ST8SIA1: variants seen among roughly 807,000 people sequenced by gnomAD.
The protein encoded by ST8SIA1 is ST8 alpha-N-acetyl-neuraminide alpha-2,8-sialyltransferase 1.
Under a neutral mutation model 35.9 loss-of-function variants are expected in ST8SIA1, and 16 were observed. The observed-to-expected ratio is 0.45, with a 90% CI of 0.30 to 0.68. The LOEUF is 0.68. ST8SIA1 is among the 30% of genes least tolerant of loss of function. The pLI is 0.09. For synonymous variants in ST8SIA1, 170 were observed against 169.6 expected, an observed-to-expected ratio of 1.00 and a Z score of -0.02; for missense variants, 383 against 453.6, an observed-to-expected ratio of 0.84 and a Z score of 1.41.
At chr12:22,226,854 C>G (rs777641474) in intron 4 of ST8SIA1, among the ~76,000 whole-genome samples, 1 of 152,174 alleles carries the variant, frequency 6.6e-6, no homozygotes, top group Non-Finnish European at 1.5e-5. Context: ...CTTATTAAGT[C>G]ACCAAGCTAA....
chr12:22,282,811 T>C (rs936098592), intron 2 of ST8SIA1, among the ~76,000 whole-genome samples: 3 of 152,074 alleles, frequency 2.0e-5, no homozygotes, highest in Non-Finnish European at 2.9e-5. Flanking sequence ...TTAGTTTCCT[T>C]CCAGCCAAAA....
chr12:22,310,675 T>C (rs1441346040), intron 1 of ST8SIA1, among the ~76,000 whole-genome samples: 2 of 152,210 alleles, frequency 1.3e-5, no homozygotes, highest in Non-Finnish European at 2.9e-5. Context: ...AAGCAAAGCA[T>C]ATACGCCTCG....
intron 4 of ST8SIA1, among the ~76,000 whole-genome samples, chr12:22,235,533 A>G (rs1029081252): frequency 1.3e-5 from 2 of 152,164 alleles, no homozygotes; most frequent in African/African-American, 4.8e-5. Context: ...TACATAATCA[A>G]CTCTGTGCAA....
chr12:22,209,015 G>T (rs7138635), intron 4 of ST8SIA1, among the ~76,000 whole-genome samples: 64,830 of 151,804 alleles, frequency 0.43, 14,149 homozygotes, highest in East Asian at 0.59. Flanking sequence ...AAAGAAAATA[G>T]GAGAAAATAT....
chr12:22,329,316 A>G (rs978843235), intron 1 of ST8SIA1, among the ~76,000 whole-genome samples: 6 of 152,164 alleles, frequency 3.9e-5, no homozygotes, highest in Non-Finnish European at 7.3e-5. Context: ...AAAACAAGGA[A>G]CATACACAAA....
At chr12:22,217,972 G>A (rs1865253057) in intron 4 of ST8SIA1, among the ~76,000 whole-genome samples, 1 of 152,174 alleles carries the variant, frequency 6.6e-6, no homozygotes, top group East Asian at 1.9e-4. Flanking sequence ...ATGTCTCATT[G>A]TTTTGTGAAA....
intron 4 of ST8SIA1, among the ~76,000 whole-genome samples, chr12:22,241,875 T>C (rs1437257700): frequency 6.6e-6 from 1 of 151,736 alleles, no homozygotes; most frequent in Non-Finnish European, 1.5e-5. Context: ...TTATTCCTCC[T>C]CCCCCCCATA....
chr12:22,243,888 G>A (rs997566422), intron 4 of ST8SIA1, among the ~76,000 whole-genome samples: 14 of 152,034 alleles, frequency 9.2e-5, no homozygotes, highest in Non-Finnish European at 1.8e-4. Flanking sequence ...AAAATCACCC[G>A]GGTGTGGTGG....
At chr12:22,235,304 T>A (rs1179331056) in intron 4 of ST8SIA1, among the ~76,000 whole-genome samples, 1 of 152,168 alleles carries the variant, frequency 6.6e-6, no homozygotes, top group South Asian at 2.1e-4. Context: ...TATAATCCAA[T>A]GCAATACAAT....
At chr12:22,282,399 C>T (rs892938848) in intron 2 of ST8SIA1, among the ~76,000 whole-genome samples, 1 of 152,200 alleles carries the variant, frequency 6.6e-6, no homozygotes, top group Non-Finnish European at 1.5e-5. Flanking sequence ...AGGCATTTGC[C>T]TAAAGCTGGA....
intron 3 of ST8SIA1, among the ~76,000 whole-genome samples, 158 bp downstream of exon 3, chr12:22,255,121 CT>C (rs1370739856): frequency 1.3e-5 from 2 of 152,170 alleles, no homozygotes; most frequent in Non-Finnish European, 2.9e-5. Flanking sequence ...CCCCTTACCC[CT>C]CTCCTAAACT....
At chr12:22,249,648 A>T (rs550980974) in intron 3 of ST8SIA1, among the ~76,000 whole-genome samples, 2 of 152,360 alleles carry the variant, frequency 1.3e-5, no homozygotes, top group African/African-American at 4.8e-5. Flanking sequence ...CCTGTTTAGT[A>T]AGAAAGATAA....
chr12:22,236,096 C>T (rs969188118), intron 4 of ST8SIA1, among the ~76,000 whole-genome samples: 2 of 152,134 alleles, frequency 1.3e-5, no homozygotes, highest in East Asian at 3.9e-4. Flanking sequence ...GCCAACATGC[C>T]TAAGTTTCCC....
intron 1 of ST8SIA1, among the ~76,000 whole-genome samples, chr12:22,303,269 T>G (rs1327276120): frequency 6.6e-6 from 1 of 152,040 alleles, no homozygotes. Context: ...AGAGAATCCC[T>G]GATCTCCCAA....
rs1864999556 is a variant in ST8SIA1, at chr12:22,197,192, C to G, written c.*4360G>C. ...AAAAGTCATATAACCTGAGAGTCGA[C>G]CTATACGACGGGAAGATAAAGAAAA... On this transcript the variant is annotated 3_prime_UTR_variant, in exon 5 of 5. Coordinates refer to ENST00000396037, the MANE Select transcript of ST8SIA1 (RefSeq NM_003034.4). The G allele has an allele frequency of 1.3e-5, 2 of 152,174 alleles. No individual in the cohort carries two copies. Among genetic ancestry groups the G allele is most frequent in the African/African-American group, 4.8e-5 (2 of 41,444 alleles). The allele number at this position is 152,174 out of a possible 1,614,324, so 9.4% of individuals were successfully genotyped here. A position where few individuals can be genotyped will look rare whatever the true frequency, so the allele number is the denominator to read the frequency against.
chr12:22,216,124 T>G (rs1423726334), intron 4 of ST8SIA1, among the ~76,000 whole-genome samples: 2 of 152,198 alleles, frequency 1.3e-5, no homozygotes. Flanking sequence ...ATGCATATCC[T>G]CAGTACCACA....
intron 4 of ST8SIA1, among the ~76,000 whole-genome samples, chr12:22,243,405 T>C (rs7965003): frequency 0.073 from 7,400 of 101,108 alleles, 624 homozygotes; most frequent in African/African-American, 0.21. Context: ...AATCTTCTAA[T>C]ATAGAAATAC....
intron 2 of ST8SIA1, among the ~76,000 whole-genome samples, chr12:22,276,110 C>T (rs1865965210): frequency 6.6e-6 from 1 of 152,178 alleles, no homozygotes; most frequent in Non-Finnish European, 1.5e-5. Context: ...AGGCCTCTGC[C>T]TACCAAGGAC....
At chr12:22,323,505 G>T (rs1439834398) in intron 1 of ST8SIA1, among the ~76,000 whole-genome samples, 1 of 152,154 alleles carries the variant, frequency 6.6e-6, no homozygotes, top group East Asian at 1.9e-4. Context: ...CCATTACTGG[G>T]TATACACCCA....
Sources: gnomAD v4.1 joint callset for allele counts (sites outside exome capture counted in the v4.1 genomes callset) on GRCh38, gnomAD v4.1.1 for gene constraint, MANE v1.5 for transcripts, NCBI Gene and HGNC (gene_info 2026-07-23, HGNC 2026-07-21) for gene names.